The following TAF4 variants were observed in gnomAD, a reference collection of about 807,000 sequenced individuals.
The protein encoded by TAF4 is transcription initiation factor TFIID subunit 4.
A neutral mutation model predicts 90.3 loss-of-function variants in TAF4; 9 were observed. That is an observed-to-expected ratio of 0.10 (90% CI 0.06 to 0.17). The LOEUF (loss-of-function observed/expected upper bound fraction) is 0.17, where lower values mean the gene tolerates loss of function less well. Ranked by LOEUF, TAF4 falls within the 10% of genes least tolerant of loss-of-function variation. The probability of loss-of-function intolerance (pLI) is 1.00; values close to 1 mark genes in which losing one functional copy is unlikely to be tolerated. For missense variants in TAF4, 1,351 were observed against 1,370.7 expected, an observed-to-expected ratio of 0.99 and a Z score of 0.23; for synonymous variants, 818 against 638.9, an observed-to-expected ratio of 1.28 and a Z score of -4.23.
At chr20:62,032,731 A>G (rs184598298) in intron 1 of TAF4, among the ~76,000 whole-genome samples, 101 of 152,372 alleles carry the variant, frequency 6.6e-4, no homozygotes, top group Admixed American at 7.8e-4. Flanking sequence ...CCCAACTTTC[A>G]GACAACCTCA....
intron 14 of TAF4, among the ~76,000 whole-genome samples, chr20:61,989,222 G>A (rs914504273): frequency 1.3e-5 from 2 of 152,072 alleles, no homozygotes; most frequent in African/African-American, 2.4e-5. Context: ...CTGCTGGCAC[G>A]GCCTGGGAGC....
intron 2 of TAF4, among the ~76,000 whole-genome samples, chr20:62,013,446 A>T (rs1308355192): frequency 6.6e-6 from 1 of 152,268 alleles, no homozygotes; most frequent in Non-Finnish European, 1.5e-5. Flanking sequence ...GCAGACTGCA[A>T]TGGGATGCCC....
chr20:62,006,260 C>G lies in TAF4; in HGVS notation c.2223+250G>C, dbSNP rs908876459. The G allele has an allele frequency of 1.2e-5, 5 of 412,780 alleles. No homozygotes were observed. Among genetic ancestry groups the G allele is most frequent in the African/African-American group, 1.0e-4 (5 of 48,750 alleles). 25.6% of individuals were successfully genotyped at this position (412,780 alleles called of 1,614,324 possible). On this transcript the variant is annotated intron_variant, in intron 7 of 14. Transcript: ENST00000252996. This position sits in a 1 kb window ranked among gnomAD's most constrained non-coding sequence, Gnocchi z 7.0. ...ACACCAGTAACATCCCCAGACAAGG[C>G]AGGGCGGGGACGTGCCGGTGGTTCA...
intron 14 of TAF4, among the ~76,000 whole-genome samples, chr20:61,978,631 A>G (rs79482470): frequency 0.14 from 13,789 of 100,924 alleles, 1,250 homozygotes; most frequent in East Asian, 0.5. Flanking sequence ...GGCCGGGGGC[A>G]AGACGAACCA....
At chr20:62,019,850 T>G (rs1221662704) in intron 1 of TAF4, among the ~76,000 whole-genome samples, 1 of 152,252 alleles carries the variant, frequency 6.6e-6, no homozygotes, top group Non-Finnish European at 1.5e-5. Context: ...CATGCGAAGC[T>G]GTGCCACAAC....
intron 1 of TAF4, among the ~76,000 whole-genome samples, chr20:62,025,715 G>T (rs923270580): frequency 6.6e-5 from 10 of 152,170 alleles, no homozygotes; most frequent in Non-Finnish European, 1.2e-4. Context: ...TCCTTTATAA[G>T]TCACCCAGCC....
chr20:62,000,562 T>C lies in TAF4; in HGVS notation c.2646A>G (p.Ile882Met), dbSNP rs747617852. Residue 882 changes from isoleucine to methionine, a missense_variant, in exon 10 of 15, where the codon ATA (isoleucine) becomes ATG (methionine). Around this residue, in one of 9 missense-constraint regions of TAF4, gnomAD observed 95 missense variants for 151.3 expected, o/e 0.63. Transcript: ENST00000252996. ...FLLQAPLQRR[I>M]LEIGKKHGIT... is the part of the protein sequence containing the mutation. ...TAAACACCAACGTACCTATTTCTAATATTCTTCTCTGCAAAGGCGCTTGGA... is the reference window on the plus strand; with the variant it reads ...TAAACACCAACGTACCTATTTCTAACATTCTTCTCTGCAAAGGCGCTTGGA... 6.2e-7 allele frequency: 1 copy of C among 1,613,458 alleles called. No homozygotes were observed. The highest frequency in any genetic ancestry group is 8.5e-7 in the Non-Finnish European group (1 of 1,179,468).
intron 14 of TAF4, among the ~76,000 whole-genome samples, chr20:61,990,104 C>T (rs546728126): frequency 6.6e-6 from 1 of 152,158 alleles, no homozygotes; most frequent in Non-Finnish European, 1.5e-5. Context: ...AAGCACCTGA[C>T]CAGGAGGGCT....
chr20:62,035,729 T>A (rs1353215040), intron 1 of TAF4, among the ~76,000 whole-genome samples: 1 of 151,000 alleles, frequency 6.6e-6, no homozygotes, highest in Non-Finnish European at 1.5e-5. Context: ...AATCAAGGAG[T>A]CCTATTCGTC....
chr20:62,018,263 A>G (rs1251651819), intron 1 of TAF4, among the ~76,000 whole-genome samples: 2 of 152,204 alleles, frequency 1.3e-5, no homozygotes, highest in African/African-American at 4.8e-5. Flanking sequence ...CTGTACCAAA[A>G]AGCAAAGTCA....
rs943374390 is a variant in TAF4, at chr20:62,006,773, A to G, written c.1975-15T>C. On this transcript the variant is annotated splice_polypyrimidine_tract_variant and intron_variant, in intron 6 of 14. Transcript: ENST00000252996. The surrounding 1 kb of genome is among the most constrained non-coding windows in gnomAD (Gnocchi z 7.0). Reference sequence around the variant, plus strand: ...GGTAAGCTCCTCTGGGTGGAAAGACAGACACGAGGGGTCAGGCGGCTGCTC... The same window carrying G: ...GGTAAGCTCCTCTGGGTGGAAAGACGGACACGAGGGGTCAGGCGGCTGCTC... The G allele has an allele frequency of 6.1e-6, 9 of 1,476,912 alleles. No homozygotes were observed. The African/African-American group carries it at 8.6e-5, about 14-fold the overall frequency. 91.5% of individuals were successfully genotyped at this position (1,476,912 alleles called of 1,614,324 possible).
intron 1 of TAF4, among the ~76,000 whole-genome samples, chr20:62,034,609 C>CGCT (rs2055922049): frequency 6.6e-6 from 1 of 152,036 alleles, no homozygotes; most frequent in Non-Finnish European, 1.5e-5. Flanking sequence ...AGATGACAGG[C>CGCT]ATGAGCCATC....
chr20:61,990,368 T>C (rs528486412), intron 14 of TAF4, among the ~76,000 whole-genome samples: 19 of 152,338 alleles, frequency 1.2e-4, no homozygotes, highest in African/African-American at 3.1e-4. Context: ...AAAGTTAATG[T>C]ATTCTGGAAG....
intron 12 of TAF4, among the ~76,000 whole-genome samples, chr20:61,998,672 C>A (rs1208186632): frequency 6.6e-6 from 1 of 152,156 alleles, no homozygotes; most frequent in East Asian, 1.9e-4. Flanking sequence ...AGAACAAGGA[C>A]AACGTGAGTG....
intron 6 of TAF4, among the ~76,000 whole-genome samples, chr20:62,007,295 A>G (rs1346934382): frequency 6.6e-6 from 1 of 152,204 alleles, no homozygotes; most frequent in Non-Finnish European, 1.5e-5. Context: ...CACTTTCAGG[A>G]AGCACACGCC....
chr20:62,006,910 GC>G lies in TAF4; in HGVS notation c.1975-153del. On this transcript the variant is annotated intron_variant, in intron 6 of 14. Transcript: ENST00000252996. This position sits in a 1 kb window ranked among gnomAD's most constrained non-coding sequence, Gnocchi z 7.0. ...ACGGCAGCATGTCTGGATGTCAAGG[GC>G]CAGGACCCCATCCTGCCCTCCCACT... 1 of 1,089,304 alleles carries G rather than the reference GC, an allele frequency of 9.2e-7. No homozygotes were observed. Among genetic ancestry groups the G allele is most frequent in the Non-Finnish European group, 1.2e-6 (1 of 836,150 alleles). The allele number at this position is 1,089,304 out of a possible 1,614,324, so 67.5% of individuals were successfully genotyped here.
chr20:61,991,497 G>C (rs925701541), intron 14 of TAF4, among the ~76,000 whole-genome samples: 2 of 151,968 alleles, frequency 1.3e-5, no homozygotes, highest in African/African-American at 4.8e-5. Flanking sequence ...ATTTAGGGAG[G>C]CCAATGTGGG....
At chr20:62,032,640 C>A (rs1222971400) in intron 1 of TAF4, among the ~76,000 whole-genome samples, 1 of 152,240 alleles carries the variant, frequency 6.6e-6, no homozygotes, top group East Asian at 1.9e-4. Flanking sequence ...CAATCCCATG[C>A]ACAATTTCAA....
At chr20:62,040,848 A>G (rs2055959799) in intron 1 of TAF4, among the ~76,000 whole-genome samples, 1 of 152,228 alleles carries the variant, frequency 6.6e-6, no homozygotes, top group Non-Finnish European at 1.5e-5. Flanking sequence ...ACCCAAAAGA[A>G]AAGGACGTCT....
Sources: allele counts gnomAD v4.1 joint callset (sites outside exome capture counted in the v4.1 genomes callset), GRCh38; gene constraint gnomAD v4.1.1; regional missense constraint gnomAD v4.1.1; non-coding constraint Gnocchi (gnomAD v3.1); transcripts MANE v1.5; gene names NCBI Gene and HGNC (gene_info 2026-07-23, HGNC 2026-07-21).